The following FSIP2 variants were observed in gnomAD, a reference collection of about 807,000 sequenced individuals.
FSIP2 encodes fibrous sheath interacting protein 2, also known as fibrous sheath-interacting protein 2.
FSIP2 carries 367 observed loss-of-function variants against 510.5 expected under a neutral mutation model. The ratio of observed to expected loss-of-function variants is 0.72; its 90% CI spans 0.66 to 0.78. The LOEUF (loss-of-function observed/expected upper bound fraction) is 0.78. Ranked by LOEUF, FSIP2 falls within the 30% of genes least tolerant of loss-of-function variation. FSIP2 has a pLI of 0.00. For missense variants in FSIP2, 7,594 were observed against 7,901.7 expected (o/e 0.96, Z 1.48); for synonymous variants, 2,601 against 2,732.2 (o/e 0.95, Z 1.50).
At chr2:185,746,954 A>G (rs1348846789) in intron 6 of FSIP2, 144 bp downstream of exon 6, 1 of 638,074 alleles carries the variant, frequency 1.6e-6, no homozygotes, top group African/African-American at 1.8e-5. Context: ...TCATAGCTAT[A>G]ATATACAAGT....
rs780320597 is a variant in FSIP2 at position 185,806,507 on chromosome 2, T to C, written c.17201T>C (p.Val5734Ala). 1.9e-6 allele frequency: 3 copies of C among 1,601,670 alleles called. No homozygotes were observed. The highest frequency in any genetic ancestry group is 4.5e-5 in the East Asian group (2 of 44,702). The change falls in exon 17 of 23, where the codon GTA (valine) becomes GCA (alanine). Residue 5734 changes from valine (V) to alanine (A), a missense_variant. Val to Ala is a moderately conservative substitution (Grantham distance 64, BLOSUM62 0). Transcript: ENST00000424728. The part of the protein sequence containing the change: ...DSAQSVTTKK[V>A]SSSTNKNISA... ...GCACAGTCTGTTACAACAAAAAAAG[T>C]ATCCTCCTCAACTAACAAAAATATC... is the stretch of plus-strand genomic sequence containing the variant.
chr2:185,762,152 TA>T (rs1362526632), intron 11 of FSIP2, 135 bp downstream of exon 11: 5 of 511,742 alleles, frequency 9.8e-6, no homozygotes, highest in African/African-American at 7.7e-5. Flanking sequence ...ATAAATTTTT[TA>T]TGAATATAGA....
At chr2:185,833,039 C>A in intron 22 of FSIP2, 51 bp from the exon 23 acceptor site, 4 of 1,560,008 alleles carry the variant, frequency 2.6e-6, no homozygotes, top group Non-Finnish European at 3.5e-6. Flanking sequence ...GGTATTTTAC[C>A]TCAGTGTTCA....
chr2:185,786,333 C>T, intron 15 of FSIP2, 45 bp downstream of exon 15: 1 of 1,212,710 alleles, frequency 8.2e-7, no homozygotes, highest in South Asian at 1.4e-5. Flanking sequence ...ATTAGTCATA[C>T]TTTCTGATGC....
At chr2:185,738,454 A>C, upstream of FSIP2, 1 of 677,412 alleles carries the variant, frequency 1.5e-6, no homozygotes, top group Non-Finnish European at 2.4e-6. Context: ...GAGCCTGGGG[A>C]TGGGGTGTGG....
At position 185,772,983 on chromosome 2, in the gene FSIP2, C is replaced by T. The variant is rs114814221; in HGVS notation, c.1411+8418C>T. On this transcript the variant is annotated intron_variant, in intron 13 of 22. Coordinates refer to ENST00000424728, the MANE Select transcript of FSIP2 (RefSeq NM_173651.4). ...TCAAGCCATCTTCCCACCTCAGCTTCCCAAATAGCTGAGACTACAGACACA... is the reference window on the plus strand; with the variant it reads ...TCAAGCCATCTTCCCACCTCAGCTTTCCAAATAGCTGAGACTACAGACACA... 6.2e-3 allele frequency among the ~76,000 whole-genome samples: 950 copies of T among 152,224 alleles called. 11 individuals are homozygous for T. The highest frequency in any genetic ancestry group is 0.021 in the African/African-American group (876 of 41,528).
chr2:185,830,072 C>A (rs776043767), intron 21 of FSIP2, among the ~76,000 whole-genome samples: 2 of 151,758 alleles, frequency 1.3e-5, no homozygotes. Flanking sequence ...GAAACCATAG[C>A]CATGAGAGGC....
intron 7 of FSIP2, among the ~76,000 whole-genome samples, chr2:185,747,864 A>G (rs1171680969): frequency 2.0e-5 from 3 of 152,068 alleles, no homozygotes; most frequent in Admixed American, 2.0e-4. Flanking sequence ...TCAACTTTTT[A>G]GTTCTCACAT....
Position 185,738,809 on chromosome 2 carries a change from T to C in FSIP2, c.-86T>C, listed in dbSNP as rs570392600. ...GAGGTCGTTGGGCTCTGGCCATTCC[T>C]GGTCAGGTCCGGACAGAGGGACAAC... is the stretch of plus-strand genomic sequence containing the variant. On this transcript the variant is annotated 5_prime_UTR_variant, in exon 1 of 23. Transcript: ENST00000424728. The C allele has an allele frequency of 2.0e-6, 3 of 1,535,788 alleles. No individual in the cohort carries two copies. Among genetic ancestry groups the C allele is most frequent in the East Asian group, 4.9e-5 (2 of 40,880 alleles).
At chr2:185,746,562 A>G in intron 5 of FSIP2, 107 bp from the exon 6 acceptor site, 1 of 849,886 alleles carries the variant, frequency 1.2e-6, no homozygotes. Flanking sequence ...TTGTAGTTCA[A>G]GAAATGAAAG....
Position 185,756,257 on chromosome 2 carries a change from A to C in FSIP2, c.1057A>C (p.Asn353His). Residue 353 changes from asparagine to histidine, a missense_variant, in exon 9 of 23, where the codon AAT (asparagine) becomes CAT (histidine). Transcript: ENST00000424728. Reference sequence around the variant, plus strand: ...GTTAGTTTATCCTGCTGGAGACCAGAATACATATAAAGAAACACATGGTAA... The same window carrying C: ...GTTAGTTTATCCTGCTGGAGACCAGCATACATATAAAGAAACACATGGTAA... ...IMLVYPAGDQNTYKETHGHTA... is the reference protein window; with the variant it reads ...IMLVYPAGDQHTYKETHGHTA... 3 of 1,293,540 alleles carry C rather than the reference A, an allele frequency of 2.3e-6. No homozygotes were observed. Among genetic ancestry groups the C allele is most frequent in the Non-Finnish European group, 2.1e-6 (2 of 950,938 alleles). The allele number at this position is 1,293,540 out of a possible 1,614,324, so 80.1% of individuals were successfully genotyped here. A position where few individuals can be genotyped will look rare whatever the true frequency, so the allele number is the denominator to read the frequency against.
Position 185,745,512 on chromosome 2 carries a change from G to T in FSIP2, c.561G>T (p.Trp187Cys). 1 of 1,535,674 alleles carries T rather than the reference G, an allele frequency of 6.5e-7. No homozygotes were observed. Residue 187 changes from tryptophan (W) to cysteine (C), a missense_variant, in exon 5 of 23, where the codon TGG becomes TGT. Transcript: ENST00000424728. ...GTGATGTTGCACAAGTCCAAAACTG[G>T]TTGTTAAAGGAGGGCACTGAATCTA... The part of the protein sequence containing the change: ...QHCDVAQVQN[W>C]LLKEGTESIK...
chr2:185,770,355 C>G (rs1388419368), intron 13 of FSIP2, among the ~76,000 whole-genome samples: 1 of 152,074 alleles, frequency 6.6e-6, no homozygotes, highest in Non-Finnish European at 1.5e-5. Flanking sequence ...ACATTGCAAT[C>G]CTGATTTGGC....
chr2:185,773,528 A>T (rs1692654227), intron 13 of FSIP2, among the ~76,000 whole-genome samples: 1 of 152,208 alleles, frequency 6.6e-6, no homozygotes, highest in African/African-American at 2.4e-5. Context: ...AACTACTTAC[A>T]AATCTTTTCA....
chr2:185,746,361 CT>C (rs1466023848), intron 5 of FSIP2, among the ~76,000 whole-genome samples: 2 of 151,806 alleles, frequency 1.3e-5, no homozygotes, highest in African/African-American at 4.8e-5. Context: ...ATTCTTAAAC[CT>C]ACTGAGTTAT....
In FSIP2 at chr2:185,790,976, T is replaced by A. The variant is rs1266964136; in HGVS notation, c.3840T>A (p.His1280Gln). The A allele has an allele frequency of 1.6e-5, 25 of 1,526,250 alleles. No individual in the cohort carries two copies. The highest frequency in any genetic ancestry group is 2.0e-5 in the Non-Finnish European group (23 of 1,142,794). The allele number at this position is 1,526,250 out of a possible 1,614,324, so 94.5% of individuals were successfully genotyped here. The change falls in exon 16 of 23, where the codon CAT becomes CAA. Residue 1280 changes from histidine to glutamine, a missense_variant. Physicochemically the swap from His to Gln is conservative, Grantham distance 24. Transcript: ENST00000424728. ...AGTCATTTATTTGTCCAAAATTGCA[T>A]ATGGGCTTCAAATCTTCATTACGAT... ...RLKSFICPKL[H>Q]MGFKSSLRSQ... is the part of the protein sequence containing the mutation.
At chr2:185,815,637 C>T (rs1201924718) in intron 19 of FSIP2, among the ~76,000 whole-genome samples, 166 bp downstream of exon 19, 1 of 152,022 alleles carries the variant, frequency 6.6e-6, no homozygotes, top group East Asian at 1.9e-4. Context: ...AAAGCCACTT[C>T]TTGCTATCTG....
In FSIP2 at chr2:185,802,354, A is replaced by T. The variant is rs1004256113; in HGVS notation, c.13048A>T (p.Lys4350Ter). The T allele has an allele frequency of 1.3e-6, 2 of 1,533,192 alleles. No homozygotes were observed. Among genetic ancestry groups the T allele is most frequent in the Non-Finnish European group, 1.7e-6 (2 of 1,145,224 alleles). The allele number at this position is 1,533,192 out of a possible 1,614,324, so 95.0% of individuals were successfully genotyped here. ...NSINRHFNKA[K>*]IHILYDDKEQ... ...CATAAATAGGCATTTCAATAAAGCT[A>T]AAATTCACATTCTCTATGATGACAA... The change falls in exon 17 of 23, where the codon AAA (lysine) becomes TAA (stop). Residue 4350 changes from lysine (K) to a stop codon, truncating the protein, a stop_gained. Coordinates refer to ENST00000424728, the MANE Select transcript of FSIP2 (RefSeq NM_173651.4). LOFTEE classifies it high-confidence loss of function.
chr2:185,778,832 G>C (rs1296471176), intron 13 of FSIP2, among the ~76,000 whole-genome samples: 2 of 151,748 alleles, frequency 1.3e-5, no homozygotes, highest in African/African-American at 4.8e-5. Context: ...TTTACTCCTT[G>C]TTCTAAAAAT....
Sources: gnomAD v4.1 joint callset for allele counts (sites outside exome capture counted in the v4.1 genomes callset) on GRCh38, gnomAD v4.1.1 for gene constraint, MANE v1.5 for transcripts, NCBI Gene and HGNC (gene_info 2026-07-23, HGNC 2026-07-21) for gene names.